The following GABRP variants were observed in gnomAD, a reference collection of about 807,000 sequenced individuals.
GABRP encodes the protein gamma-aminobutyric acid receptor subunit pi.
In GABRP, 52 loss-of-function variants were observed where a neutral mutation model predicts 47.8. The observed-to-expected ratio is 1.09, with a 90% CI of 0.87 to 1.37. The LOEUF is 1.37. Among genes scored for constraint, GABRP ranks in the 40% most tolerant of loss-of-function variants. GABRP has a pLI of 0.00. For missense variants in GABRP, 525 were observed against 542.8 expected (o/e 0.97, Z 0.33); for synonymous variants, 221 against 205.8 (o/e 1.07, Z -0.63).
At chr5:170,793,160 A>AT (rs1765323943) in intron 3 of GABRP, among the ~76,000 whole-genome samples, 1 of 152,192 alleles carries the variant, frequency 6.6e-6, no homozygotes, top group Admixed American at 6.5e-5. Flanking sequence ...ACAATGTCAC[A>AT]CGTCTAATCT....
At chr5:170,806,899 T>G (rs557680124) in intron 7 of GABRP, among the ~76,000 whole-genome samples, 31 of 152,238 alleles carry the variant, frequency 2.0e-4, no homozygotes, top group Non-Finnish European at 4.3e-4. Flanking sequence ...ATTTTCCAAA[T>G]TTTTCTTTTC....
chr5:170,787,782 A>G (rs1333875193), intron 1 of GABRP, among the ~76,000 whole-genome samples: 1 of 152,146 alleles, frequency 6.6e-6, no homozygotes, highest in East Asian at 1.9e-4. Context: ...CACCTAACTC[A>G]TGACCTCCTG....
At chr5:170,802,682 C>T (rs1028564949) in intron 6 of GABRP, among the ~76,000 whole-genome samples, 4 of 151,942 alleles carry the variant, frequency 2.6e-5, no homozygotes, top group African/African-American at 9.7e-5. Context: ...AATACCATCC[C>T]CAGTGAGCGG....
At chr5:170,788,733 AG>A (rs1286031021) in intron 2 of GABRP, 65 bp downstream of exon 2, 8 of 1,483,070 alleles carry the variant, frequency 5.4e-6, no homozygotes, top group Non-Finnish European at 7.5e-6. Context: ...ATGTGGTGGG[AG>A]GGGGCAGCTC....
At chr5:170,803,668 G>A (rs1019966214) in intron 6 of GABRP, among the ~76,000 whole-genome samples, 1 of 152,040 alleles carries the variant, frequency 6.6e-6, no homozygotes, top group Non-Finnish European at 1.5e-5. Flanking sequence ...GCTCCCAGGC[G>A]ATGACTAACC....
At chr5:170,808,976 G>A (rs1233505769) in intron 8 of GABRP, among the ~76,000 whole-genome samples, 2 of 151,294 alleles carry the variant, frequency 1.3e-5, no homozygotes, top group African/African-American at 2.4e-5. Flanking sequence ...CACTCTTGTT[G>A]CCCAGGTTGG....
At chr5:170,799,582 T>C (rs183664745) in intron 6 of GABRP, among the ~76,000 whole-genome samples, 1 of 152,354 alleles carries the variant, frequency 6.6e-6, no homozygotes, top group African/African-American at 2.4e-5. Context: ...ATGTCTTCTT[T>C]TGAGAAGTGT....
chr5:170,801,844 A>G (rs959137352), intron 6 of GABRP, among the ~76,000 whole-genome samples: 2 of 106,032 alleles, frequency 1.9e-5, no homozygotes, highest in Non-Finnish European at 3.6e-5. Context: ...AGTTACAACA[A>G]TGAAAAGTAA....
intron 5 of GABRP, 135 bp downstream of exon 5, chr5:170,795,560 T>TAATAG: frequency 1.5e-6 from 1 of 681,800 alleles, no homozygotes; most frequent in South Asian, 1.7e-5. Flanking sequence ...CTTGCCCCCA[T>TAATAG]AATAGAAGGT....
At chr5:170,794,185 A>T (rs1326404734) in intron 3 of GABRP, 46 bp from the exon 4 acceptor site, 1 of 1,341,678 alleles carries the variant, frequency 7.5e-7, no homozygotes, top group South Asian at 1.2e-5. Context: ...GTATTAAGAC[A>T]GCTCATGGTT....
At position 170,791,104 on chromosome 5, in the gene GABRP, G is replaced by A. The variant is rs144970637; in HGVS notation, c.172+1857G>A. On this transcript the variant is annotated intron_variant, in intron 3 of 9. Transcript: ENST00000265294. ...TGCCTCCCAAACCCCAAACAATTAA[G>A]TCAGAATACACTCCTTCTTGTTTGC... Among the ~76,000 whole-genome samples, 710 of 152,256 alleles carry A rather than the reference G, an allele frequency of 4.7e-3. 1 individual carries two copies. Among genetic ancestry groups the A allele is most frequent in the Non-Finnish European group, 7.2e-3 (489 of 68,022 alleles).
At chr5:170,803,905 T>G (rs1765658937) in intron 6 of GABRP, among the ~76,000 whole-genome samples, 2 of 152,092 alleles carry the variant, frequency 1.3e-5, no homozygotes, top group East Asian at 3.9e-4. Flanking sequence ...GCCTCCCAAG[T>G]AGCTGGCATG....
intron 6 of GABRP, 135 bp from the exon 7 acceptor site, chr5:170,805,581 C>G: frequency 1.0e-6 from 1 of 981,618 alleles, no homozygotes; most frequent in South Asian, 1.8e-5. Flanking sequence ...TTGCTAAGTT[C>G]TGCATGGGAT....
chr5:170,793,985 C>G (rs1765350962), intron 3 of GABRP, among the ~76,000 whole-genome samples: 1 of 152,176 alleles, frequency 6.6e-6, no homozygotes, highest in African/African-American at 2.4e-5. Context: ...CAGGTAGTCT[C>G]TCTTACATAT....
Position 170,811,968 on chromosome 5 carries a change from G to T in GABRP, c.1033G>T (p.Glu345Ter), listed in dbSNP as rs750280533. 6.2e-7 allele frequency: 1 copy of T among 1,613,346 alleles called. No individual in the cohort carries two copies. The highest frequency in any genetic ancestry group is 8.5e-7 in the Non-Finnish European group (1 of 1,179,510). ...GTCTATGAACTAGGGGACAACAAAG[G>T]AAGTAGAAGAAGTCAGTATTACTAA... Reference protein sequence around the residue: ...MAAKDRGTTKEVEEVSITNII... With the variant: ...MAAKDRGTTK Residue 345 changes from glutamate (E) to a stop codon, truncating the protein, a stop_gained, in exon 10 of 10, where the codon GAA becomes TAA. Coordinates refer to ENST00000265294, the MANE Select transcript of GABRP (RefSeq NM_014211.3). LOFTEE classifies it high-confidence loss of function.
chr5:170,805,503 A>G (rs141712420), intron 6 of GABRP, among the ~76,000 whole-genome samples: 2 of 152,330 alleles, frequency 1.3e-5, no homozygotes, highest in African/African-American at 4.8e-5. Context: ...CCAGCTCTCA[A>G]TTGACGGCAA....
intron 7 of GABRP, among the ~76,000 whole-genome samples, chr5:170,806,760 A>G (rs1239750769): frequency 1.3e-5 from 2 of 151,978 alleles, no homozygotes; most frequent in African/African-American, 4.8e-5. Flanking sequence ...ATTTTAGTTG[A>G]GCCTAGGTGA....
intron 7 of GABRP, among the ~76,000 whole-genome samples, chr5:170,806,429 AC>A (rs1341548669): frequency 1.3e-5 from 2 of 148,622 alleles, no homozygotes; most frequent in Admixed American, 6.6e-5. Flanking sequence ...CAATATTTGC[AC>A]CCTAAAAAAT....
chr5:170,794,228 T>C lies in GABRP; in HGVS notation c.173-3T>C. On this transcript the variant is annotated splice_polypyrimidine_tract_variant and splice_region_variant and intron_variant, in intron 3 of 9. Coordinates refer to ENST00000265294, the MANE Select transcript of GABRP (RefSeq NM_014211.3). The stretch of plus-strand genomic sequence containing the variant: ...CATTCTTTCTTGTTTTTTTTTATCT[T>C]AGGAGAACCCGTACAGATAGCGCTG... 6.2e-7 allele frequency: 1 copy of C among 1,603,566 alleles called. No homozygotes were observed. The highest frequency in any genetic ancestry group is 1.3e-5 in the African/African-American group (1 of 74,672).
Sources: allele counts gnomAD v4.1 joint callset (sites outside exome capture counted in the v4.1 genomes callset), GRCh38; gene constraint gnomAD v4.1.1; transcripts MANE v1.5; gene names NCBI Gene and HGNC (gene_info 2026-07-23, HGNC 2026-07-21).